CELF5: variants seen among roughly 807,000 people sequenced by gnomAD.
CELF5 encodes the protein CUGBP Elav-like family member 5, also known as CUG-BP and ETR-3 like factor 5.
CELF5 carries 6 observed loss-of-function variants against 54.9 expected under a neutral mutation model. The observed-to-expected ratio is 0.11, with a 90% CI of 0.06 to 0.22. CELF5 has a LOEUF of 0.22. Among genes scored for constraint, CELF5 ranks in the 10% least tolerant of loss-of-function variants. CELF5 has a pLI of 1.00. For missense variants in CELF5, 401 were observed against 678.6 expected (o/e 0.59, Z 4.54); for synonymous variants, 271 against 290.9 (o/e 0.93, Z 0.70).
At chr19:3,239,707 C>A (rs1013185024) in intron 1 of CELF5, among the ~76,000 whole-genome samples, 1 of 151,976 alleles carries the variant, frequency 6.6e-6, no homozygotes, top group Non-Finnish European at 1.5e-5. Flanking sequence ...CGTCCCCCAC[C>A]AAAGCCCTAC....
At chr19:3,292,353 G>A (rs1194801009) in intron 11 of CELF5, among the ~76,000 whole-genome samples, 2 of 148,608 alleles carry the variant, frequency 1.3e-5, no homozygotes, top group Non-Finnish European at 3.0e-5. Context: ...GTGCGATCTC[G>A]GCTCACTGCA....
chr19:3,284,634 A>G, intron 8 of CELF5: 1 of 509,152 alleles, frequency 2.0e-6, no homozygotes, highest in Non-Finnish European at 3.6e-6. Context: ...GGGTCGGGAT[A>G]GGGAGAGGGA....
intron 9 of CELF5, among the ~76,000 whole-genome samples, chr19:3,285,663 G>GCCC (rs1195384665): frequency 9.2e-4 from 12 of 12,976 alleles, no homozygotes; most frequent in Non-Finnish European, 1.2e-3. Flanking sequence ...CATGGGGTCC[G>GCCC]CCCCCACCCC....
In CELF5 at chr19:3,275,434, G is replaced by A. The variant is rs1168759275; in HGVS notation, c.395-422G>A. ...TGCCCACCTCCGCCTGGCAGGTCCG[G>A]GGAGCAGACAGAAAGACAGACAGAC... On this transcript the variant is annotated intron_variant, in intron 3 of 12. Transcript: ENST00000292672. The surrounding 1 kb of genome is among the most constrained non-coding windows in gnomAD (Gnocchi z 6.7). Among the ~76,000 whole-genome samples, 1 of 152,218 alleles carries A rather than the reference G, an allele frequency of 6.6e-6. No homozygotes were observed. Among genetic ancestry groups the A allele is most frequent in the African/African-American group, 2.4e-5 (1 of 41,452 alleles).
At chr19:3,246,142 T>A (rs753526542) in intron 1 of CELF5, among the ~76,000 whole-genome samples, 1 of 151,972 alleles carries the variant, frequency 6.6e-6, no homozygotes, top group Non-Finnish European at 1.5e-5. Flanking sequence ...GGCGGGTGGA[T>A]CACTTGAGAT....
At chr19:3,291,106 C>A (rs1198289054) in intron 11 of CELF5, among the ~76,000 whole-genome samples, 3 of 148,202 alleles carry the variant, frequency 2.0e-5, no homozygotes, top group African/African-American at 2.5e-5. Context: ...ACAAAAAATA[C>A]AAAAAAAAAA....
rs373217897 is a variant in CELF5 at position 3,241,242 on chromosome 19, AT to A, written c.260-9731del. Among the ~76,000 whole-genome samples, 484 of 142,960 alleles carry A rather than the reference AT, an allele frequency of 3.4e-3. 2 individuals are homozygous for A. The highest frequency in any genetic ancestry group is 7.6e-3 in the African/African-American group (299 of 39,256). The allele number at this position is 142,960 out of a possible 152,430, so 93.8% of individuals were successfully genotyped here. ...ACGCACAAGCCACCGCGCCCAGCTA[AT>A]TTTTTTTTTTTGTATTTTTACTAGA... On this transcript the variant is annotated intron_variant, in intron 1 of 12. Coordinates refer to ENST00000292672, the MANE Select transcript of CELF5 (RefSeq NM_021938.4).
intron 1 of CELF5, 83 bp downstream of exon 1, chr19:3,225,081 T>G: frequency 1.5e-5 from 12 of 800,600 alleles, no homozygotes; most frequent in Non-Finnish European, 2.2e-5. Context: ...CCCATCACCA[T>G]CCCTCCTCTG....
intron 2 of CELF5, among the ~76,000 whole-genome samples, chr19:3,258,168 G>C (rs910132324): frequency 6.6e-6 from 1 of 151,944 alleles, no homozygotes; most frequent in Non-Finnish European, 1.5e-5. Flanking sequence ...ATGTTGGCCA[G>C]ACTGGTCTCC....
At chr19:3,276,443 G>C (rs1030590088) in intron 4 of CELF5, among the ~76,000 whole-genome samples, 1 of 150,274 alleles carries the variant, frequency 6.7e-6, no homozygotes, top group Non-Finnish European at 1.5e-5. Flanking sequence ...GCAGGGAGGG[G>C]TGAAATACGT....
chr19:3,287,145 GGAACACTATACAGCAGT>G (rs2080266300), intron 10 of CELF5, among the ~76,000 whole-genome samples: 1 of 151,850 alleles, frequency 6.6e-6, no homozygotes, highest in African/African-American at 2.4e-5. Flanking sequence ...GCTGCACGAT[GGAACACTATACAGCAGT>G]GAAAAAGGAT....
At chr19:3,254,200 G>A (rs1380542225) in intron 2 of CELF5, among the ~76,000 whole-genome samples, 1 of 152,082 alleles carries the variant, frequency 6.6e-6, no homozygotes, top group African/African-American at 2.4e-5. Flanking sequence ...CCATCTTGAG[G>A]GGACTCTGTC....
At chr19:3,260,147 G>A (rs1183705721) in intron 2 of CELF5, among the ~76,000 whole-genome samples, 1 of 152,094 alleles carries the variant, frequency 6.6e-6, no homozygotes, top group Non-Finnish European at 1.5e-5. Context: ...GACAGAGTCT[G>A]TCTCCATCAC....
At chr19:3,277,269 T>C (rs769599251) in intron 4 of CELF5, among the ~76,000 whole-genome samples, 115 of 148,180 alleles carry the variant, frequency 7.8e-4, no homozygotes, top group Non-Finnish European at 1.4e-3. Flanking sequence ...AGATCAGGAG[T>C]TCAAGACCAG....
At chr19:3,229,646 G>A (rs1318508833) in intron 1 of CELF5, among the ~76,000 whole-genome samples, 5 of 152,244 alleles carry the variant, frequency 3.3e-5, no homozygotes, top group African/African-American at 7.2e-5. Context: ...AAATGAGGGA[G>A]GTGAGAGCAG....
intron 9 of CELF5, among the ~76,000 whole-genome samples, 192 bp from the exon 10 acceptor site, chr19:3,285,750 T>A (rs1204551956): frequency 7.9e-6 from 1 of 126,288 alleles, no homozygotes; most frequent in Non-Finnish European, 1.7e-5. Flanking sequence ...CCCTCCCCGT[T>A]TCGTCTGTGA....
chr19:3,264,340 A>G (rs1449231063), intron 2 of CELF5, among the ~76,000 whole-genome samples: 3 of 150,500 alleles, frequency 2.0e-5, no homozygotes, highest in South Asian at 2.1e-4. Context: ...TTAACCTAAC[A>G]TAAATGGGAT....
chr19:3,227,511 G>C (rs1434100234), intron 1 of CELF5, among the ~76,000 whole-genome samples: 1 of 152,054 alleles, frequency 6.6e-6, no homozygotes, highest in Admixed American at 6.5e-5. Context: ...CTGGATGCCC[G>C]GCGGGGCCCA....
intron 2 of CELF5, among the ~76,000 whole-genome samples, chr19:3,257,109 T>C (rs2079738908): frequency 6.6e-6 from 1 of 152,104 alleles, no homozygotes; most frequent in South Asian, 2.1e-4. Flanking sequence ...AGATTGTGCC[T>C]GGCTGGGAGT....
Sources: gnomAD v4.1 joint callset for allele counts (sites outside exome capture counted in the v4.1 genomes callset) on GRCh38, gnomAD v4.1.1 for gene constraint, Gnocchi (gnomAD v3.1) non-coding constraint, MANE v1.5 for transcripts, NCBI Gene and HGNC (gene_info 2026-07-23, HGNC 2026-07-21) for gene names.